FTO: variants seen among roughly 807,000 people sequenced by gnomAD.
FTO encodes the protein alpha-ketoglutarate-dependent dioxygenase FTO.
Under a neutral mutation model 63.9 loss-of-function variants are expected in FTO, and 47 were observed. The observed-to-expected ratio is 0.74, with a 90% CI of 0.58 to 0.94. The LOEUF (loss-of-function observed/expected upper bound fraction) is 0.94. FTO is among the 40% of genes least tolerant of loss of function. FTO has a pLI of 0.00. For missense variants in FTO, 562 were observed against 618.1 expected (o/e 0.91, Z 0.96); for synonymous variants, 207 against 224.4 (o/e 0.92, Z 0.69).
intron 8 of FTO, among the ~76,000 whole-genome samples, chr16:53,978,183 A>G (rs1393904923): frequency 6.6e-6 from 1 of 152,186 alleles, no homozygotes; most frequent in Admixed American, 6.5e-5. Flanking sequence ...ATCTCGATGC[A>G]CATTTTCCTT....
At chr16:53,964,600 G>A (rs142261674) in intron 8 of FTO, among the ~76,000 whole-genome samples, 3 of 152,250 alleles carry the variant, frequency 2.0e-5, no homozygotes, top group African/African-American at 7.2e-5. Context: ...TCCATTAAAT[G>A]TGTTGGTTGC....
rs144380999 is a variant in FTO, at chr16:53,975,960, A to T, written c.1364+41851A>T. Reference sequence around the variant, plus strand: ...ACAGATTGATTAAGTAAGTATCAGAACCAGGCAGCCTGCCACCAGAGTCTT... The same window carrying T: ...ACAGATTGATTAAGTAAGTATCAGATCCAGGCAGCCTGCCACCAGAGTCTT... On this transcript the variant is annotated intron_variant, in intron 8 of 8. Coordinates refer to ENST00000471389, the MANE Select transcript of FTO (RefSeq NM_001080432.3). Among the ~76,000 whole-genome samples, 691 of 152,294 alleles carry T rather than the reference A, an allele frequency of 4.5e-3. 6 individuals are homozygous for T. Among genetic ancestry groups the T allele is most frequent in the African/African-American group, 0.016 (666 of 41,570 alleles).
At chr16:53,977,781 C>T (rs1483526254) in intron 8 of FTO, among the ~76,000 whole-genome samples, 3 of 152,150 alleles carry the variant, frequency 2.0e-5, no homozygotes, top group African/African-American at 7.2e-5. Context: ...ATAAACTTTT[C>T]TTGCTCATCA....
rs549924543 is a variant in FTO, at chr16:53,836,307, C to T, written c.752-7848C>T. Among the ~76,000 whole-genome samples the T allele has an allele frequency of 3.9e-5, 6 of 152,278 alleles. No homozygotes were observed. The South Asian group carries it at 6.2e-4, about 16-fold the overall frequency. ...CTGGTCAAGAAATGAAACATATCAG[C>T]GTCCTAGAAGTGCTCCCTTCCAGTG... On this transcript the variant is annotated intron_variant, in intron 3 of 8. Coordinates refer to ENST00000471389, the MANE Select transcript of FTO (RefSeq NM_001080432.3).
At chr16:53,832,817 G>A (rs1355300183) in intron 3 of FTO, among the ~76,000 whole-genome samples, 1 of 151,984 alleles carries the variant, frequency 6.6e-6, no homozygotes, top group African/African-American at 2.4e-5. Flanking sequence ...CCAAATCTCT[G>A]TACCCATTTA....
intron 3 of FTO, among the ~76,000 whole-genome samples, chr16:53,839,428 A>G (rs898182723): frequency 1.3e-5 from 2 of 152,178 alleles, no homozygotes; most frequent in Non-Finnish European, 2.9e-5. Flanking sequence ...ATTTAACAAT[A>G]AAAAGTTTAT....
chr16:53,768,517 A>G (rs1255203045), intron 1 of FTO, among the ~76,000 whole-genome samples: 1 of 152,146 alleles, frequency 6.6e-6, no homozygotes, highest in Non-Finnish European at 1.5e-5. Context: ...ACCCGAGTAG[A>G]AGATGATGCC....
chr16:53,879,713 AG>A (rs1319920483), intron 5 of FTO, 130 bp from the exon 6 acceptor site: 6 of 645,988 alleles, frequency 9.3e-6, no homozygotes, highest in Non-Finnish European at 1.6e-5. Flanking sequence ...AAAAAAAAAA[AG>A]GAGTATAGAC....
chr16:54,048,578 A>T (rs778554670), intron 8 of FTO, among the ~76,000 whole-genome samples: 1 of 152,210 alleles, frequency 6.6e-6, no homozygotes, highest in Non-Finnish European at 1.5e-5. Flanking sequence ...GAAAAAGAAA[A>T]AAGCATATGT....
chr16:54,038,027 G>A (rs1463349738), intron 8 of FTO, among the ~76,000 whole-genome samples: 1 of 152,200 alleles, frequency 6.6e-6, no homozygotes, highest in Non-Finnish European at 1.5e-5. Context: ...TGTGCAGGAA[G>A]GTGAACTTTC....
In FTO at chr16:53,971,553, T is replaced by C. The variant is rs570916949; in HGVS notation, c.1364+37444T>C. 4.6e-5 allele frequency among the ~76,000 whole-genome samples: 7 copies of C among 152,368 alleles called. No individual in the cohort carries two copies. The East Asian group carries it at 9.6e-4, about 21-fold the overall frequency. On this transcript the variant is annotated intron_variant, in intron 8 of 8. Transcript: ENST00000471389. ...GTATTTGTTCTTACAACATCTGTAT[T>C]TTCTAAGGTTAAATTTTGTGGAGGT...
chr16:53,907,131 T>C (rs540570650), intron 7 of FTO, among the ~76,000 whole-genome samples: 2 of 152,298 alleles, frequency 1.3e-5, no homozygotes, highest in African/African-American at 4.8e-5. Flanking sequence ...GACTAAAATA[T>C]AGATGCTCCT....
intron 2 of FTO, among the ~76,000 whole-genome samples, chr16:53,821,732 C>T (rs2078869939): frequency 1.3e-5 from 2 of 152,210 alleles, no homozygotes; most frequent in Non-Finnish European, 1.5e-5. Context: ...CATTTTTCTT[C>T]TGCATACTTC....
chr16:53,906,985 G>T (rs2081554888), intron 7 of FTO, among the ~76,000 whole-genome samples: 1 of 152,028 alleles, frequency 6.6e-6, no homozygotes, highest in South Asian at 2.1e-4. Flanking sequence ...GCCTTCCTCT[G>T]GGCTATTGCA....
At chr16:53,921,761 A>G (rs186368220) in intron 7 of FTO, among the ~76,000 whole-genome samples, 2 of 151,884 alleles carry the variant, frequency 1.3e-5, no homozygotes, top group East Asian at 3.9e-4. Context: ...CAGTTTGAGC[A>G]TTTTCATTTT....
rs571500225 is a variant in FTO at position 53,924,683 on chromosome 16, T to A, written c.1240-9302T>A. Among the ~76,000 whole-genome samples the A allele has an allele frequency of 1.8e-4, 27 of 152,260 alleles. No individual in the cohort carries two copies. The South Asian group carries it at 5.2e-3, about 29-fold the overall frequency. ...GACGTGGCACCCAGTGGTGACTTGG[T>A]GTTATCTCTTAGCCGAGGTCATCCA... On this transcript the variant is annotated intron_variant, in intron 7 of 8. Coordinates refer to ENST00000471389, the MANE Select transcript of FTO (RefSeq NM_001080432.3).
intron 2 of FTO, among the ~76,000 whole-genome samples, chr16:53,821,841 G>C (rs939263537): frequency 2.0e-5 from 3 of 152,174 alleles, no homozygotes; most frequent in Non-Finnish European, 4.4e-5. Flanking sequence ...TCAAATCTCA[G>C]TGGCTCCACA....
chr16:53,864,922 G>A (rs1045410085), intron 4 of FTO, among the ~76,000 whole-genome samples: 1 of 152,068 alleles, frequency 6.6e-6, no homozygotes, highest in Non-Finnish European at 1.5e-5. Context: ...CAAAAGAATT[G>A]TTTGATTAGA....
intron 8 of FTO, among the ~76,000 whole-genome samples, chr16:54,085,340 G>A (rs762624360): frequency 1.3e-5 from 2 of 152,132 alleles, no homozygotes; most frequent in South Asian, 4.2e-4. Flanking sequence ...CCTTCCTTTA[G>A]ATTTTGGAAA....
Sources: allele counts gnomAD v4.1 joint callset (sites outside exome capture counted in the v4.1 genomes callset), GRCh38; gene constraint gnomAD v4.1.1; transcripts MANE v1.5; gene names NCBI Gene and HGNC (gene_info 2026-07-23, HGNC 2026-07-21).